The following FCHO2 variants were observed in gnomAD, a reference collection of about 807,000 sequenced individuals.
FCHO2 encodes FCH and mu domain containing endocytic adaptor 2.
Under a neutral mutation model 114.1 loss-of-function variants are expected in FCHO2, and 43 were observed. The ratio of observed to expected loss-of-function variants is 0.38; its 90% CI spans 0.30 to 0.49. The LOEUF is 0.49. Among genes scored for constraint, FCHO2 ranks in the 20% least tolerant of loss-of-function variants. The pLI is 0.97. For missense variants in FCHO2, 807 were observed against 950.4 expected (o/e 0.85, Z 1.98); for synonymous variants, 293 against 315.2 (o/e 0.93, Z 0.75).
chr5:73,058,661 A>G (rs1056263145), intron 17 of FCHO2, 137 bp downstream of exon 17: 1 of 402,774 alleles, frequency 2.5e-6, no homozygotes, highest in African/African-American at 2.1e-5. Flanking sequence ...AATAAAAGTG[A>G]TTTTATTCTG....
intron 1 of FCHO2, among the ~76,000 whole-genome samples, chr5:72,960,224 TCTTC>T (rs1162112472): frequency 6.6e-6 from 1 of 152,262 alleles, no homozygotes; most frequent in Non-Finnish European, 1.5e-5. Flanking sequence ...AGCAGCACAT[TCTTC>T]CTTTTTCTTT....
At chr5:72,983,963 A>T (rs985168719) in intron 2 of FCHO2, among the ~76,000 whole-genome samples, 2 of 152,016 alleles carry the variant, frequency 1.3e-5, no homozygotes, top group African/African-American at 2.4e-5. Context: ...AATAGCAAAG[A>T]ATTTTCCAAG....
intron 11 of FCHO2, among the ~76,000 whole-genome samples, chr5:73,043,400 A>G (rs1364467499): frequency 7.4e-6 from 1 of 135,328 alleles, no homozygotes; most frequent in Non-Finnish European, 1.6e-5. Flanking sequence ...AAAACTTTAC[A>G]CACACACATA....
At chr5:73,084,145 A>C (rs1433341341) in intron 24 of FCHO2, among the ~76,000 whole-genome samples, 1 of 152,198 alleles carries the variant, frequency 6.6e-6, no homozygotes, top group African/African-American at 2.4e-5. Context: ...GGGACAGCCA[A>C]GTCTTTAACA....
intron 16 of FCHO2, 91 bp downstream of exon 16, chr5:73,056,198 G>T: frequency 1.0e-6 from 1 of 1,000,678 alleles, no homozygotes. Context: ...AAAGCACAGA[G>T]ATTTCCCTTT....
At chr5:73,040,535 A>G (rs1946466369) in intron 10 of FCHO2, among the ~76,000 whole-genome samples, 1 of 152,198 alleles carries the variant, frequency 6.6e-6, no homozygotes, top group African/African-American at 2.4e-5. Flanking sequence ...TAATGACCTC[A>G]CTGTCCTTAG....
At chr5:72,988,165 C>T (rs934878513) in intron 2 of FCHO2, among the ~76,000 whole-genome samples, 1 of 152,124 alleles carries the variant, frequency 6.6e-6, no homozygotes, top group Non-Finnish European at 1.5e-5. Flanking sequence ...ACAGGCCGGG[C>T]GCAGTGGCTC....
intron 18 of FCHO2, among the ~76,000 whole-genome samples, chr5:73,066,899 C>T (rs1742366575): frequency 6.6e-6 from 1 of 151,930 alleles, no homozygotes; most frequent in Non-Finnish European, 1.5e-5. Flanking sequence ...TGTTTTAAAG[C>T]AATGCCGTCC....
intron 1 of FCHO2, among the ~76,000 whole-genome samples, chr5:72,960,770 A>G (rs888435954): frequency 2.0e-5 from 3 of 152,198 alleles, no homozygotes; most frequent in Non-Finnish European, 4.4e-5. Flanking sequence ...AATGGGGGAC[A>G]AATAAGTATG....
intron 19 of FCHO2, among the ~76,000 whole-genome samples, chr5:73,073,914 T>C (rs1200890724): frequency 4.6e-5 from 7 of 152,094 alleles, no homozygotes; most frequent in African/African-American, 1.7e-4. Flanking sequence ...TAAAATTGCA[T>C]TTTATTTATT....
chr5:72,999,680 C>A (rs182782695), intron 5 of FCHO2, among the ~76,000 whole-genome samples: 8 of 152,280 alleles, frequency 5.3e-5, no homozygotes, highest in East Asian at 3.9e-4. Context: ...CCACACCCAA[C>A]CACAAGCCTT....
Position 73,058,462 on chromosome 5 carries a change from A to ACCGT in FCHO2, c.1285_1286insGTCC (p.Pro429ArgfsTer9), listed in dbSNP as rs1351289468. On this transcript the variant is annotated frameshift_variant, in exon 17 of 26. Transcript: ENST00000430046. LOFTEE classifies it high-confidence loss of function. ...GGAACCAGTGATTTACTTGCTTGGG[A>ACCGT]CCCCCTATTTGGACCATCTCTTGAT... 1 of 1,571,678 alleles carries ACCGT rather than the reference A, an allele frequency of 6.4e-7. No individual in the cohort carries two copies. The highest frequency in any genetic ancestry group is 1.2e-5 in the South Asian group (1 of 83,280).
intron 17 of FCHO2, among the ~76,000 whole-genome samples, chr5:73,060,090 A>G (rs1757785231): frequency 6.6e-6 from 1 of 151,956 alleles, no homozygotes; most frequent in Admixed American, 6.6e-5. Flanking sequence ...CTTTCATTTT[A>G]TAAAAGTACT....
intron 2 of FCHO2, 77 bp downstream of exon 2, chr5:72,968,666 A>C (rs1206194092): frequency 2.0e-6 from 2 of 1,024,254 alleles, no homozygotes; most frequent in African/African-American, 3.4e-5. Flanking sequence ...TAATGGAGAA[A>C]ACTTTATTTG....
chr5:72,989,608 C>T, intron 3 of FCHO2, 107 bp downstream of exon 3: 1 of 707,942 alleles, frequency 1.4e-6, no homozygotes. Flanking sequence ...AAAATATATG[C>T]TTATTTAAAA....
chr5:72,999,963 C>T (rs1265571744), intron 5 of FCHO2, among the ~76,000 whole-genome samples: 3 of 152,154 alleles, frequency 2.0e-5, no homozygotes, highest in African/African-American at 7.2e-5. Flanking sequence ...AGAACAAATG[C>T]TCCAGCTTCC....
intron 10 of FCHO2, among the ~76,000 whole-genome samples, chr5:73,038,287 T>C (rs1580146547): frequency 6.6e-6 from 1 of 152,304 alleles, no homozygotes; most frequent in South Asian, 2.1e-4. Flanking sequence ...ACATAGGTTT[T>C]GCTCTTTTTT....
intron 18 of FCHO2, among the ~76,000 whole-genome samples, chr5:73,064,855 A>G (rs756424453): frequency 6.6e-6 from 1 of 152,000 alleles, no homozygotes; most frequent in African/African-American, 2.4e-5. Flanking sequence ...TTTAAGACCT[A>G]GCTAAACATC....
At chr5:73,086,675 G>T (rs770082909) in intron 24 of FCHO2, among the ~76,000 whole-genome samples, 1 of 152,010 alleles carries the variant, frequency 6.6e-6, no homozygotes, top group Non-Finnish European at 1.5e-5. Flanking sequence ...CTTGCATCTT[G>T]TGCTTCTCTT....
Sources: gnomAD v4.1 joint callset for allele counts (sites outside exome capture counted in the v4.1 genomes callset) on GRCh38, gnomAD v4.1.1 for gene constraint, MANE v1.5 for transcripts, NCBI Gene and HGNC (gene_info 2026-07-23, HGNC 2026-07-21) for gene names.